The following CDH20 variants were observed in gnomAD, a reference collection of about 807,000 sequenced individuals.
CDH20 encodes the protein cadherin-20.
CDH20 carries 29 observed loss-of-function variants against 74.2 expected under a neutral mutation model. The observed-to-expected ratio is 0.39, with a 90% CI of 0.29 to 0.53. The LOEUF (loss-of-function observed/expected upper bound fraction) is 0.53, where lower values mean the gene tolerates loss of function less well. Ranked by LOEUF, CDH20 falls within the 20% of genes least tolerant of loss-of-function variation. The probability of loss-of-function intolerance (pLI) is 0.69; values close to 1 mark genes in which losing one functional copy is unlikely to be tolerated. For missense variants in CDH20, 988 were observed against 1,048.3 expected (o/e 0.94, Z 0.79); for synonymous variants, 469 against 405.4 (o/e 1.16, Z -1.88).
chr18:61,443,670 A>C (rs1909103812), intron 1 of CDH20, among the ~76,000 whole-genome samples: 1 of 152,162 alleles, frequency 6.6e-6, no homozygotes. Flanking sequence ...CGTTCAGATG[A>C]CATTTTTTTC....
intron 1 of CDH20, among the ~76,000 whole-genome samples, chr18:61,383,767 T>C (rs1395458855): frequency 6.6e-6 from 1 of 152,120 alleles, no homozygotes; most frequent in Non-Finnish European, 1.5e-5. Context: ...CATTTTGTTT[T>C]TCCATGCCTC....
chr18:61,466,106 C>T (rs1307700647), intron 1 of CDH20, among the ~76,000 whole-genome samples: 1 of 143,870 alleles, frequency 7.0e-6, no homozygotes, highest in Non-Finnish European at 1.5e-5. Context: ...ATATATATAG[C>T]TATTTATATA....
intron 1 of CDH20, among the ~76,000 whole-genome samples, chr18:61,350,018 A>C (rs1254026630): frequency 6.6e-6 from 1 of 152,120 alleles, no homozygotes; most frequent in East Asian, 1.9e-4. Flanking sequence ...CACTGAGTTT[A>C]AGTGACTTTC....
intron 1 of CDH20, among the ~76,000 whole-genome samples, chr18:61,459,120 C>CT (rs1183504222): frequency 6.6e-6 from 1 of 152,124 alleles, no homozygotes; most frequent in African/African-American, 2.4e-5. Context: ...TTATTATCAT[C>CT]TTTTTTATTT....
At chr18:61,483,223 A>G (rs1241239327) in intron 1 of CDH20, among the ~76,000 whole-genome samples, 1 of 152,150 alleles carries the variant, frequency 6.6e-6, no homozygotes, top group Non-Finnish European at 1.5e-5. Flanking sequence ...CACCTCTTGT[A>G]CAGTCACTCC....
At chr18:61,342,499 C>T (rs1024820694) in intron 1 of CDH20, among the ~76,000 whole-genome samples, 2 of 152,218 alleles carry the variant, frequency 1.3e-5, no homozygotes, top group African/African-American at 2.4e-5. Flanking sequence ...CAGGGTTTCT[C>T]ACCCTGGCTA....
chr18:61,547,496 G>T (rs1005067470), intron 10 of CDH20, among the ~76,000 whole-genome samples: 5 of 152,070 alleles, frequency 3.3e-5, no homozygotes, highest in African/African-American at 1.2e-4. Flanking sequence ...AAAGAATTAT[G>T]TGTATATAGT....
At chr18:61,509,855 T>G (rs1911717511) in intron 6 of CDH20, among the ~76,000 whole-genome samples, 1 of 152,100 alleles carries the variant, frequency 6.6e-6, no homozygotes, top group African/African-American at 2.4e-5. Context: ...GTACATATTT[T>G]GAAAGCAGAG....
Position 61,536,627 on chromosome 18 carries a change from T to G in CDH20, c.1406T>G (p.Met469Arg). The G allele has an allele frequency of 6.2e-7, 1 of 1,613,636 alleles. No individual in the cohort carries two copies. The highest frequency in any genetic ancestry group is 8.5e-7 in the Non-Finnish European group (1 of 1,179,680). ...WHNITVLAME[M>R]NNPSQVGSVP... is the part of the protein sequence containing the mutation. ...AATATCACTGTCCTTGCTATGGAAA[T>G]GAGTAAGTAGCACAGTAAGTTGGTC... Residue 469 changes from methionine to arginine, a missense_variant and splice_region_variant, in exon 8 of 12, where the codon ATG (methionine) becomes AGG (arginine). Physicochemically the swap from Met to Arg is moderately conservative, Grantham distance 91. Coordinates refer to ENST00000262717, the MANE Select transcript of CDH20 (RefSeq NM_031891.4).
intron 1 of CDH20, among the ~76,000 whole-genome samples, chr18:61,406,799 A>G (rs1355711564): frequency 6.6e-6 from 1 of 152,232 alleles, no homozygotes; most frequent in Non-Finnish European, 1.5e-5. Context: ...GAAACATGAA[A>G]TAAAGCCATA....
chr18:61,517,695 T>TTGTTGTTG (rs1555682483), intron 6 of CDH20, among the ~76,000 whole-genome samples: 5 of 152,034 alleles, frequency 3.3e-5, no homozygotes, highest in East Asian at 3.9e-4. Flanking sequence ...TGCAGTTTTT[T>TTGTTGTTG]TTGTTGTTGT....
At position 61,555,526 on chromosome 18, in the gene CDH20, C is replaced by G; in HGVS notation, c.*831C>G. 1 of 985,280 alleles carries G rather than the reference C, an allele frequency of 1.0e-6. No homozygotes were observed. The highest frequency in any genetic ancestry group is 1.2e-6 in the Non-Finnish European group (1 of 829,900). 61.0% of individuals were successfully genotyped at this position (985,280 alleles called of 1,614,324 possible). A position where few individuals can be genotyped will look rare whatever the true frequency, so the allele number is the denominator to read the frequency against. On this transcript the variant is annotated 3_prime_UTR_variant, in exon 12 of 12. Transcript: ENST00000262717. Reference sequence around the variant, plus strand: ...GGAGATTAGATGCTACAAATGAAAGCCAAATAAAAAAGAAGTATCTGACAA... The same window carrying G: ...GGAGATTAGATGCTACAAATGAAAGGCAAATAAAAAAGAAGTATCTGACAA...
intron 1 of CDH20, among the ~76,000 whole-genome samples, chr18:61,419,492 TAAC>T (rs1912803864): frequency 6.6e-6 from 1 of 152,222 alleles, no homozygotes; most frequent in Non-Finnish European, 1.5e-5. Context: ...GTACTGATCA[TAAC>T]AAATTACTCT....
At chr18:61,384,562 G>A (rs1911534432) in intron 1 of CDH20, among the ~76,000 whole-genome samples, 1 of 152,142 alleles carries the variant, frequency 6.6e-6, no homozygotes, top group Non-Finnish European at 1.5e-5. Context: ...GGCTGTCATT[G>A]TCTTTCGACT....
At chr18:61,515,615 T>A (rs911823067) in intron 6 of CDH20, among the ~76,000 whole-genome samples, 1 of 151,292 alleles carries the variant, frequency 6.6e-6, no homozygotes, top group African/African-American at 2.4e-5. Flanking sequence ...AATGATGAGT[T>A]CATGTCCTTT....
At chr18:61,361,255 C>G (rs547767416) in intron 1 of CDH20, among the ~76,000 whole-genome samples, 9 of 152,294 alleles carry the variant, frequency 5.9e-5, no homozygotes, top group Middle Eastern at 3.4e-3. Context: ...TCAAGGACAT[C>G]CATTATACCC....
chr18:61,544,182 G>T (rs1187602749), intron 9 of CDH20, among the ~76,000 whole-genome samples: 3 of 152,184 alleles, frequency 2.0e-5, no homozygotes, highest in African/African-American at 7.2e-5. Context: ...GCAGAACAGG[G>T]GTGTGCCCTG....
At chr18:61,343,800 G>A (rs8088938) in intron 1 of CDH20, among the ~76,000 whole-genome samples, 146,953 of 152,308 alleles carry the variant, frequency 0.96, 71,116 homozygotes, top group Middle Eastern at 1. Flanking sequence ...CTGCATTGCT[G>A]TGGAGGCCTG....
chr18:61,488,321 G>A (rs1910839169), intron 1 of CDH20, among the ~76,000 whole-genome samples: 1 of 152,098 alleles, frequency 6.6e-6, no homozygotes, highest in Admixed American at 6.6e-5. Context: ...TATATTATAA[G>A]CCCTTTCAGA....
Sources: allele counts gnomAD v4.1 joint callset (sites outside exome capture counted in the v4.1 genomes callset), GRCh38; gene constraint gnomAD v4.1.1; transcripts MANE v1.5; gene names NCBI Gene and HGNC (gene_info 2026-07-23, HGNC 2026-07-21).